Variants in ZC2HC1B observed in about 807,000 individuals in gnomAD.
ZC2HC1B encodes the protein zinc finger C2HC domain-containing protein 1B.
ZC2HC1B carries 36 observed loss-of-function variants against 31.0 expected under a neutral mutation model. The observed-to-expected ratio is 1.16, with a 90% CI of 0.89 to 1.54. The LOEUF is 1.54. Ranked by LOEUF, ZC2HC1B falls within the 40% of genes most tolerant of loss-of-function variation. The probability of loss-of-function intolerance (pLI) is 0.00; values close to 1 mark genes in which losing one functional copy is unlikely to be tolerated. For synonymous variants in ZC2HC1B, 73 were observed against 88.0 expected, an observed-to-expected ratio of 0.83 and a Z score of 0.95; for missense variants, 260 against 268.6, an observed-to-expected ratio of 0.97 and a Z score of 0.22.
Position 143,872,357 on chromosome 6 carries a change from C to A in ZC2HC1B, c.28+7790C>A, listed in dbSNP as rs1777350611. Among the ~76,000 whole-genome samples, 1 of 152,152 alleles carries A rather than the reference C, an allele frequency of 6.6e-6. No individual in the cohort carries two copies. Among genetic ancestry groups the A allele is most frequent in the Admixed American group, 6.5e-5 (1 of 15,278 alleles). ...TACAGTAGGCTTCCTTTCAGTTTCA[C>A]TTCTAGAAACACTGTGATTAGTCAG... On this transcript the variant is annotated intron_variant, in intron 1 of 7. Coordinates refer to ENST00000237275, the MANE Select transcript of ZC2HC1B (RefSeq NM_001013623.3). The surrounding 1 kb of genome is among the most constrained non-coding windows in gnomAD (Gnocchi z 5.5).
chr6:143,903,666 G>A lies in ZC2HC1B; in HGVS notation c.598+514G>A, dbSNP rs1368912455. Among the ~76,000 whole-genome samples, 1 of 152,018 alleles carries A rather than the reference G, an allele frequency of 6.6e-6. No individual in the cohort carries two copies. Among genetic ancestry groups the A allele is most frequent in the Non-Finnish European group, 1.5e-5 (1 of 67,998 alleles). On this transcript the variant is annotated intron_variant, in intron 6 of 7. Coordinates refer to ENST00000237275, the MANE Select transcript of ZC2HC1B (RefSeq NM_001013623.3). The surrounding 1 kb of genome is among the most constrained non-coding windows in gnomAD (Gnocchi z 4.3). ...AAGAATTTCTGTACAGTCATCCCTC[G>A]GTATCCACAGGGGATTGGTCCCAGG...
intron 6 of ZC2HC1B, among the ~76,000 whole-genome samples, chr6:143,909,738 G>T (rs1363317701): frequency 3.9e-5 from 6 of 152,066 alleles, no homozygotes; most frequent in African/African-American, 1.4e-4. Flanking sequence ...TTGTATCTCT[G>T]TGGGGTCAGT....
chr6:143,920,372 C>T (rs1166688182), intron 6 of ZC2HC1B, among the ~76,000 whole-genome samples: 1 of 152,096 alleles, frequency 6.6e-6, no homozygotes, highest in Non-Finnish European at 1.5e-5. Context: ...GAATTTCCTT[C>T]CTTGAACTGA....
rs1272578372 is a variant in ZC2HC1B at position 143,913,073 on chromosome 6, G to A, written c.598+9921G>A. 1.3e-5 allele frequency among the ~76,000 whole-genome samples: 2 copies of A among 152,186 alleles called. No homozygotes were observed. The highest frequency in any genetic ancestry group is 2.4e-5 in the African/African-American group (1 of 41,430). ...AACTGCCTCTGCCCCTGTCAACTTG[G>A]TCTCTCCAAAGCCCACAGTCCAGAA... On this transcript the variant is annotated intron_variant, in intron 6 of 7. Coordinates refer to ENST00000237275, the MANE Select transcript of ZC2HC1B (RefSeq NM_001013623.3). The surrounding 1 kb of genome is among the most constrained non-coding windows in gnomAD (Gnocchi z 5.7).
At chr6:143,878,236 T>C (rs1777430055) in intron 1 of ZC2HC1B, among the ~76,000 whole-genome samples, 3 of 150,906 alleles carry the variant, frequency 2.0e-5, no homozygotes, top group Non-Finnish European at 3.0e-5. Flanking sequence ...GTGTTCATAA[T>C]GTACTCAAGT....
Position 143,899,667 on chromosome 6 carries a change from T to C in ZC2HC1B, c.489+976T>C, listed in dbSNP as rs117599901. On this transcript the variant is annotated intron_variant, in intron 5 of 7. Coordinates refer to ENST00000237275, the MANE Select transcript of ZC2HC1B (RefSeq NM_001013623.3). The surrounding 1 kb of genome is among the most constrained non-coding windows in gnomAD (Gnocchi z 5.0). ...GCTAGAACTACAAGTGTGAGCATCG[T>C]GCCTGGCCCCTACAGCCTGTTTAGA... is the stretch of plus-strand genomic sequence containing the variant. Among the ~76,000 whole-genome samples the C allele has an allele frequency of 1.8e-4, 28 of 152,304 alleles. 1 individual carries two copies. The East Asian group carries it at 4.1e-3, about 22-fold the overall frequency.
chr6:143,882,257 A>G (rs1188302614), intron 1 of ZC2HC1B, among the ~76,000 whole-genome samples: 2 of 149,478 alleles, frequency 1.3e-5, no homozygotes, highest in Non-Finnish European at 3.0e-5. Context: ...AAAGAGCAGC[A>G]GTAGTTTTAT....
At chr6:143,935,781 A>G (rs755276249) in intron 6 of ZC2HC1B, among the ~76,000 whole-genome samples, 7 of 147,790 alleles carry the variant, frequency 4.7e-5, no homozygotes, top group Non-Finnish European at 1.0e-4. Context: ...CAGCCTCCTG[A>G]GTATATGGGA....
At chr6:143,907,398 A>G (rs1230794258) in intron 6 of ZC2HC1B, among the ~76,000 whole-genome samples, 2 of 152,224 alleles carry the variant, frequency 1.3e-5, no homozygotes, top group African/African-American at 4.8e-5. Context: ...AGTTCCACCA[A>G]CAGTGTACAG....
Position 143,869,556 on chromosome 6 carries a change from T to C in ZC2HC1B, c.28+4989T>C, listed in dbSNP as rs916261785. ...GTGGATAAGGCATGCTATGAGTCCA[T>C]GGATGGTAGTCTTGGCAGAAGCATT... is the stretch of plus-strand genomic sequence containing the variant. On this transcript the variant is annotated intron_variant, in intron 1 of 7. Coordinates refer to ENST00000237275, the MANE Select transcript of ZC2HC1B (RefSeq NM_001013623.3). This position sits in a 1 kb window ranked among gnomAD's most constrained non-coding sequence, Gnocchi z 5.2. 1.3e-5 allele frequency among the ~76,000 whole-genome samples: 2 copies of C among 152,204 alleles called. No individual in the cohort carries two copies. Among genetic ancestry groups the C allele is most frequent in the African/African-American group, 2.4e-5 (1 of 41,454 alleles).
At chr6:143,914,726 G>A (rs1314621487) in intron 6 of ZC2HC1B, among the ~76,000 whole-genome samples, 1 of 152,068 alleles carries the variant, frequency 6.6e-6, no homozygotes, top group Non-Finnish European at 1.5e-5. Context: ...CATATATTTT[G>A]ATGGTCTGTC....
intron 1 of ZC2HC1B, among the ~76,000 whole-genome samples, chr6:143,874,829 C>A (rs1777386789): frequency 6.6e-6 from 1 of 151,964 alleles, no homozygotes; most frequent in Non-Finnish European, 1.5e-5. Flanking sequence ...TTTATTTATT[C>A]TTTTATTTAT....
intron 6 of ZC2HC1B, among the ~76,000 whole-genome samples, chr6:143,904,077 T>A (rs1373560772): frequency 6.6e-6 from 1 of 152,180 alleles, no homozygotes; most frequent in Non-Finnish European, 1.5e-5. Flanking sequence ...AATTTGCATA[T>A]CTCTAATGAC....
intron 6 of ZC2HC1B, among the ~76,000 whole-genome samples, chr6:143,916,220 C>T (rs191752702): frequency 6.6e-6 from 1 of 152,350 alleles, no homozygotes; most frequent in Non-Finnish European, 1.5e-5. Context: ...GTGGAAGCCC[C>T]AAGCCTTGGC....
chr6:143,864,627 A>G, intron 1 of ZC2HC1B, 60 bp downstream of exon 1: 3 of 1,528,236 alleles, frequency 2.0e-6, no homozygotes, highest in Middle Eastern at 1.7e-4. Flanking sequence ...TCATTCATTT[A>G]TGGCTTTTCC....
chr6:143,868,913 T>G lies in ZC2HC1B; in HGVS notation c.28+4346T>G, dbSNP rs1332328898. On this transcript the variant is annotated intron_variant, in intron 1 of 7. Transcript: ENST00000237275. The surrounding 1 kb of genome is among the most constrained non-coding windows in gnomAD (Gnocchi z 4.2). ...GGAAAAAGTAAATAAAATGAAGATA[T>G]CTTCTTAGTACACGTGTGTACATGC... 6.6e-6 allele frequency among the ~76,000 whole-genome samples: 1 copy of G among 152,156 alleles called. No individual in the cohort carries two copies. Among genetic ancestry groups the G allele is most frequent in the African/African-American group, 2.4e-5 (1 of 41,408 alleles).
At chr6:143,930,426 G>A (rs138312087) in intron 6 of ZC2HC1B, among the ~76,000 whole-genome samples, 1,821 of 130,252 alleles carry the variant, frequency 0.014, 56 homozygotes, top group African/African-American at 0.051. Context: ...TTGCTCTGTC[G>A]CCCAGGCTGG....
chr6:143,906,894 A>C (rs1434831257), intron 6 of ZC2HC1B, among the ~76,000 whole-genome samples: 1 of 152,054 alleles, frequency 6.6e-6, no homozygotes, highest in African/African-American at 2.4e-5. Context: ...TATTAAGCTG[A>C]GCATCCATGA....
In ZC2HC1B at chr6:143,937,585, A is replaced by T. The variant is rs574415325; in HGVS notation, c.599-64A>T. On this transcript the variant is annotated intron_variant, in intron 6 of 7. Transcript: ENST00000237275. ...GAACCCATGTGGGGATTTCACAATC[A>T]TGTCTTTTTTTCTTGGTAATGTTCT... is the stretch of plus-strand genomic sequence containing the variant. The T allele has an allele frequency of 1.1e-4, 154 of 1,416,212 alleles. 1 individual carries two copies. In the African/African-American group the frequency reaches 2.1e-3, roughly 19 times the overall value. 87.7% of individuals were successfully genotyped at this position (1,416,212 alleles called of 1,614,324 possible). A position where few individuals can be genotyped will look rare whatever the true frequency, so the allele number is the denominator to read the frequency against.
Sources: allele counts gnomAD v4.1 joint callset (sites outside exome capture counted in the v4.1 genomes callset), GRCh38; gene constraint gnomAD v4.1.1; non-coding constraint Gnocchi (gnomAD v3.1); transcripts MANE v1.5; gene names NCBI Gene and HGNC (gene_info 2026-07-23, HGNC 2026-07-21).